Variants in ULK4 observed in about 807,000 individuals in gnomAD.
ULK4 encodes inactive serine/threonine-protein kinase ULK4.
Under a neutral mutation model 160.6 loss-of-function variants are expected in ULK4, and 133 were observed. The observed-to-expected ratio is 0.83, with a 90% confidence interval of 0.72 to 0.96. The LOEUF is 0.96. Among genes scored for constraint, ULK4 ranks in the 40% least tolerant of loss-of-function variants. The probability of loss-of-function intolerance (pLI) is 0.00; values close to 1 mark genes in which losing one functional copy is unlikely to be tolerated. For synonymous variants in ULK4, 534 were observed against 539.8 expected (o/e 0.99, Z 0.15); for missense variants, 1,580 against 1,499.5 (o/e 1.05, Z -0.89).
chr3:41,886,244 G>T (rs1335427030), intron 16 of ULK4, among the ~76,000 whole-genome samples: 1 of 152,088 alleles, frequency 6.6e-6, no homozygotes, highest in Non-Finnish European at 1.5e-5. Flanking sequence ...CCACATTAGA[G>T]CAAAACTAAA....
chr3:41,454,411 G>A (rs1018328754), intron 34 of ULK4, among the ~76,000 whole-genome samples: 5 of 150,614 alleles, frequency 3.3e-5, no homozygotes, highest in Admixed American at 2.0e-4. Context: ...GTGGTGGTGG[G>A]CACCTGTAAT....
Position 41,566,094 on chromosome 3 carries a change from T to C in ULK4, c.3157A>G (p.Ser1053Gly), listed in dbSNP as rs762598528. 1 of 1,613,812 alleles carries C rather than the reference T, an allele frequency of 6.2e-7. No homozygotes were observed. Among genetic ancestry groups the C allele is most frequent in the East Asian group, 2.2e-5 (1 of 44,868 alleles). Residue 1053 changes from serine to glycine, a missense_variant, in exon 32 of 37, where the codon AGT becomes GGT. Ser to Gly is a moderately conservative substitution (Grantham distance 56). Coordinates refer to ENST00000301831, the MANE Select transcript of ULK4 (RefSeq NM_017886.4). Reference sequence around the variant, plus strand: ...AGATTGCTGAGTAATGCAATCACACTTTGCATGGTATTACCCAGAATGCTC... The same window carrying C: ...AGATTGCTGAGTAATGCAATCACACCTTGCATGGTATTACCCAGAATGCTC... Reference protein sequence around the residue: ...QESILGNTMQSVIALLSNLVA... With the variant: ...QESILGNTMQGVIALLSNLVA...
intron 34 of ULK4, among the ~76,000 whole-genome samples, chr3:41,419,859 G>T (rs731936): frequency 6.6e-6 from 1 of 151,428 alleles, no homozygotes; most frequent in Non-Finnish European, 1.5e-5. Flanking sequence ...CCTGAGGCCA[G>T]GGGTGCTGCG....
intron 18 of ULK4, among the ~76,000 whole-genome samples, chr3:41,827,096 G>A (rs1056838124): frequency 6.7e-6 from 1 of 149,564 alleles, no homozygotes; most frequent in African/African-American, 2.5e-5. Context: ...AAATAAAGAT[G>A]TTCTTTGAAA....
At chr3:41,301,549 G>A (rs1165641772) in intron 35 of ULK4, among the ~76,000 whole-genome samples, 1 of 152,168 alleles carries the variant, frequency 6.6e-6, no homozygotes, top group African/African-American at 2.4e-5. Context: ...GGGTAGAAGA[G>A]TTGATCATTA....
At chr3:41,745,812 C>T (rs2038400168) in intron 22 of ULK4, among the ~76,000 whole-genome samples, 1 of 151,336 alleles carries the variant, frequency 6.6e-6, no homozygotes, top group Admixed American at 6.6e-5. Context: ...ACACTGTGAC[C>T]ACGTGAGATT....
intron 21 of ULK4, among the ~76,000 whole-genome samples, chr3:41,774,177 C>G (rs1432326760): frequency 3.9e-5 from 6 of 151,942 alleles, no homozygotes; most frequent in Non-Finnish European, 7.4e-5. Flanking sequence ...GACTTCATGT[C>G]TAAAACACCA....
intron 22 of ULK4, among the ~76,000 whole-genome samples, chr3:41,753,151 C>G (rs539269973): frequency 3.9e-5 from 6 of 152,086 alleles, no homozygotes; most frequent in South Asian, 2.1e-4. Context: ...GTGTGGGGAT[C>G]GAGGCTCCAG....
chr3:41,694,633 C>T (rs1374743255), intron 27 of ULK4, among the ~76,000 whole-genome samples: 1 of 152,090 alleles, frequency 6.6e-6, no homozygotes, highest in African/African-American at 2.4e-5. Context: ...TCCTTAAGTC[C>T]CTTATATAAA....
chr3:41,294,480 T>C (rs746773984), intron 35 of ULK4, among the ~76,000 whole-genome samples: 2 of 152,348 alleles, frequency 1.3e-5, no homozygotes, highest in South Asian at 4.1e-4. Flanking sequence ...TGTCACAGGC[T>C]TTGTGTACCA....
At chr3:41,398,314 G>A (rs1202082924) in intron 34 of ULK4, 50 bp from the exon 35 acceptor site, 4 of 1,576,152 alleles carry the variant, frequency 2.5e-6, no homozygotes, top group South Asian at 2.3e-5. Context: ...GACGGTATTA[G>A]TACTCAAAAA....
At chr3:41,793,524 C>A (rs2040210725) in intron 20 of ULK4, among the ~76,000 whole-genome samples, 1 of 152,128 alleles carries the variant, frequency 6.6e-6, no homozygotes, top group Non-Finnish European at 1.5e-5. Flanking sequence ...CCTGAGAGAT[C>A]TTAAGATATA....
Position 41,385,847 on chromosome 3 carries a change from C to T in ULK4, c.3678+12232G>A, listed in dbSNP as rs115720097. Among the ~76,000 whole-genome samples the T allele has an allele frequency of 4.2e-3, 633 of 152,296 alleles. 2 individuals carry two copies. The highest frequency in any genetic ancestry group is 0.015 in the African/African-American group (605 of 41,558). On this transcript the variant is annotated intron_variant, in intron 35 of 36. Coordinates refer to ENST00000301831, the MANE Select transcript of ULK4 (RefSeq NM_017886.4). ...CAAGTAGTTGACTGGAGAGCTGAGA[C>T]TGGAACCCAGGGCTTTGGGCTCCTA...
chr3:41,246,863 G>C lies in ULK4; in HGVS notation c.*66C>G, dbSNP rs2078652780. ...GGGGATGTGGCAAAGGTGTCTGGGA[G>C]CTGACCTTGCTTATGCATCCGAGGG... On this transcript the variant is annotated 3_prime_UTR_variant, in exon 37 of 37. Coordinates refer to ENST00000301831, the MANE Select transcript of ULK4 (RefSeq NM_017886.4). The C allele has an allele frequency of 6.4e-7, 1 of 1,567,064 alleles. No homozygotes were observed. The highest frequency in any genetic ancestry group is 1.1e-5 in the South Asian group (1 of 87,164).
chr3:41,891,748 T>TA (rs1384064639), intron 16 of ULK4, among the ~76,000 whole-genome samples: 1 of 151,868 alleles, frequency 6.6e-6, no homozygotes, highest in Non-Finnish European at 1.5e-5. Context: ...TCTACAAAAA[T>TA]ACAAAAATTA....
intron 32 of ULK4, among the ~76,000 whole-genome samples, chr3:41,543,240 G>C (rs959139105): frequency 6.6e-6 from 1 of 152,016 alleles, no homozygotes; most frequent in Non-Finnish European, 1.5e-5. Context: ...GGAATGTGAG[G>C]GAGCAGATGA....
At chr3:41,407,618 C>A (rs533883141) in intron 34 of ULK4, among the ~76,000 whole-genome samples, 2 of 152,226 alleles carry the variant, frequency 1.3e-5, no homozygotes, top group East Asian at 1.9e-4. Context: ...GAATAAAGAA[C>A]AAAAACTACA....
At chr3:41,352,230 C>A (rs939114823) in intron 35 of ULK4, among the ~76,000 whole-genome samples, 9 of 152,176 alleles carry the variant, frequency 5.9e-5, no homozygotes, top group Admixed American at 5.2e-4. Context: ...TAGAGGATGA[C>A]TGGTGCCCCT....
chr3:41,939,585 T>C (rs186554240), intron 2 of ULK4, among the ~76,000 whole-genome samples: 61 of 152,196 alleles, frequency 4.0e-4, no homozygotes, highest in African/African-American at 1.4e-3. Context: ...CTCAGAAGGA[T>C]TCTACAATCT....
Sources: gnomAD v4.1 joint callset for allele counts (sites outside exome capture counted in the v4.1 genomes callset) on GRCh38, gnomAD v4.1.1 for gene constraint, MANE v1.5 for transcripts, NCBI Gene and HGNC (gene_info 2026-07-23, HGNC 2026-07-21) for gene names.